The following PDZD2 variants were observed in gnomAD, a reference collection of about 807,000 sequenced individuals.
PDZD2 encodes the protein PDZ domain containing 2, also known as PDZ domain-containing protein 2.
A neutral mutation model predicts 220.7 loss-of-function variants in PDZD2; 90 were observed. That is an observed-to-expected ratio of 0.41 (90% CI 0.34 to 0.49). The LOEUF is 0.49. Among genes scored for constraint, PDZD2 ranks in the 20% least tolerant of loss-of-function variants. PDZD2 has a pLI of 0.28. For missense variants in PDZD2, 3,174 were observed against 3,608.5 expected (o/e 0.88, Z 3.08); for synonymous variants, 1,375 against 1,450.5 (o/e 0.95, Z 1.18).
rs1266262300 is a variant in PDZD2 at position 32,087,298 on chromosome 5, C to A, written c.3850C>A (p.Leu1284Ile). Reference protein sequence around the residue: ...TKCKARSPVRLPHEGSPSPGE... With the variant: ...TKCKARSPVRIPHEGSPSPGE... The stretch of plus-strand genomic sequence containing the variant: ...GTGCAAGGCCAGGTCTCCAGTCAGG[C>A]TCCCCCATGAGGGCAGCCCCTCCCC... Residue 1284 changes from leucine to isoleucine, a missense_variant, in exon 20 of 25, where the codon CTC (leucine) becomes ATC (isoleucine). Around this residue, in one of 4 missense-constraint regions of PDZD2, gnomAD observed 1,861 missense variants for 2,001.0 expected, o/e 0.93. Coordinates refer to ENST00000438447, the MANE Select transcript of PDZD2 (RefSeq NM_178140.4). This position sits in a 1 kb window ranked among gnomAD's most constrained non-coding sequence, Gnocchi z 4.0. 6.2e-7 allele frequency: 1 copy of A among 1,613,972 alleles called. No homozygotes were observed. The highest frequency in any genetic ancestry group is 1.3e-5 in the African/African-American group (1 of 74,936).
Position 31,799,239 on chromosome 5 carries a change from A to G in PDZD2, c.-10A>G, listed in dbSNP as rs370773045. 6.4e-7 allele frequency: 1 copy of G among 1,560,938 alleles called. No homozygotes were observed. The highest frequency in any genetic ancestry group is 8.7e-7 in the Non-Finnish European group (1 of 1,144,226). On this transcript the variant is annotated 5_prime_UTR_variant, in exon 2 of 25. Coordinates refer to ENST00000438447, the MANE Select transcript of PDZD2 (RefSeq NM_178140.4). The stretch of plus-strand genomic sequence containing the variant: ...ACCTCTGATGATGCTGGTGTCTGGG[A>G]GTGAGCACCATGCCCATCACCCAGG...
intron 2 of PDZD2, among the ~76,000 whole-genome samples, chr5:31,868,646 C>T (rs1738454269): frequency 6.6e-6 from 1 of 152,120 alleles, no homozygotes. Context: ...AAACTTAACT[C>T]CTGGGCCCCT....
At position 31,798,928 on chromosome 5, in the gene PDZD2, G is replaced by C. The variant is rs1040736827; in HGVS notation, c.-321G>C. On this transcript the variant is annotated 5_prime_UTR_variant, in exon 2 of 25. Coordinates refer to ENST00000438447, the MANE Select transcript of PDZD2 (RefSeq NM_178140.4). ...AGGGAAGGACACACGGCCACTGCTGGAGGGATCCTCCATTCCTGTGTCATT... is the reference window on the plus strand; with the variant it reads ...AGGGAAGGACACACGGCCACTGCTGCAGGGATCCTCCATTCCTGTGTCATT... 3 of 370,012 alleles carry C rather than the reference G, an allele frequency of 8.1e-6. No homozygotes were observed. The highest frequency in any genetic ancestry group is 4.1e-5 in the Admixed American group (1 of 24,450). The allele number at this position is 370,012 out of a possible 1,614,324, so 22.9% of individuals were successfully genotyped here.
chr5:31,928,605 A>G (rs1053020628), intron 2 of PDZD2, among the ~76,000 whole-genome samples: 19 of 151,958 alleles, frequency 1.3e-4, no homozygotes, highest in Admixed American at 8.5e-4. Context: ...CCTCCTGAGT[A>G]GCTGGGATTA....
At chr5:31,784,865 C>T (rs1580750435) in intron 1 of PDZD2, among the ~76,000 whole-genome samples, 2 of 152,180 alleles carry the variant, frequency 1.3e-5, no homozygotes, top group East Asian at 1.9e-4. Context: ...CGAGATTGCA[C>T]CACTGCACTC....
At chr5:31,977,013 G>A (rs1407848324) in intron 2 of PDZD2, among the ~76,000 whole-genome samples, 1 of 149,910 alleles carries the variant, frequency 6.7e-6, no homozygotes, top group Non-Finnish European at 1.5e-5. Context: ...AACGCGCCTG[G>A]CCAGTTTTGT....
chr5:31,647,906 C>T (rs952791346), intron 1 of PDZD2, among the ~76,000 whole-genome samples: 2 of 152,204 alleles, frequency 1.3e-5, no homozygotes, highest in Admixed American at 6.5e-5. Flanking sequence ...AATTTACACA[C>T]AGCAGCCTGG....
chr5:32,040,969 G>A (rs552836291), intron 7 of PDZD2, among the ~76,000 whole-genome samples: 2,590 of 141,464 alleles, frequency 0.018, 133 homozygotes, highest in African/African-American at 0.065. Context: ...GCCTCTGCCT[G>A]GCCACCCCGT....
chr5:31,719,468 T>C (rs1400684561), intron 1 of PDZD2, among the ~76,000 whole-genome samples: 1 of 152,114 alleles, frequency 6.6e-6, no homozygotes, highest in African/African-American at 2.4e-5. Context: ...GGTGCCAGAG[T>C]TTTAAAGTTT....
intron 19 of PDZD2, among the ~76,000 whole-genome samples, chr5:32,084,948 C>CTTTT (rs745430355): frequency 4.2e-5 from 4 of 94,474 alleles, no homozygotes; most frequent in East Asian, 7.3e-4. Flanking sequence ...ATTCTGTTGC[C>CTTTT]TTTTTTTTTT....
chr5:31,758,481 T>G (rs537518918), intron 1 of PDZD2, among the ~76,000 whole-genome samples: 2 of 152,188 alleles, frequency 1.3e-5, no homozygotes, highest in African/African-American at 4.8e-5. Flanking sequence ...AGACAGCACA[T>G]GTGGTGTGGG....
chr5:31,657,822 G>A (rs1175769772), intron 1 of PDZD2, among the ~76,000 whole-genome samples: 1 of 152,148 alleles, frequency 6.6e-6, no homozygotes, highest in Non-Finnish European at 1.5e-5. Context: ...TGACTATTGT[G>A]TGCTGCTCCC....
At chr5:31,811,065 G>A (rs1755082929) in intron 2 of PDZD2, among the ~76,000 whole-genome samples, 1 of 152,160 alleles carries the variant, frequency 6.6e-6, no homozygotes, top group African/African-American at 2.4e-5. Flanking sequence ...TTGGCTCAAT[G>A]CAACCTCCGC....
At chr5:31,962,030 TC>T (rs1185077177) in intron 2 of PDZD2, among the ~76,000 whole-genome samples, 4 of 152,250 alleles carry the variant, frequency 2.6e-5, no homozygotes, top group Non-Finnish European at 5.9e-5. Flanking sequence ...AGACAGGGTA[TC>T]AATAGTCTCT....
intron 2 of PDZD2, among the ~76,000 whole-genome samples, chr5:31,831,911 CAAAAAAAAAAA>C (rs56394577): frequency 0.016 from 1,044 of 63,774 alleles, 15 homozygotes; most frequent in South Asian, 0.049. Flanking sequence ...GAGACTGTTT[CAAAAAAAAAAA>C]AAAAAAAAAA....
Position 32,057,912 on chromosome 5 carries a change from G to T in PDZD2, c.2009G>T (p.Arg670Leu). 3.7e-6 allele frequency: 6 copies of T among 1,613,102 alleles called. No individual in the cohort carries two copies. The highest frequency in any genetic ancestry group is 5.1e-6 in the Non-Finnish European group (6 of 1,179,578). ...IRSGLFVLTV[R>L]TKLVSPSLTP... Reference sequence around the variant, plus strand: ...AGTGGATTATTTGTTTTAACGGTACGCACAAAGTTGGTGAGCCCCAGCCTC... The same window carrying T: ...AGTGGATTATTTGTTTTAACGGTACTCACAAAGTTGGTGAGCCCCAGCCTC... Residue 670 changes from arginine to leucine, a missense_variant, in exon 12 of 25, where the codon CGC (arginine) becomes CTC (leucine). This residue lies in a region of PDZD2 where 1,861 missense variants were observed against 2,001.0 expected (regional missense o/e 0.93). Coordinates refer to ENST00000438447, the MANE Select transcript of PDZD2 (RefSeq NM_178140.4).
chr5:31,998,143 C>G (rs1252403690), intron 4 of PDZD2, among the ~76,000 whole-genome samples: 2 of 152,062 alleles, frequency 1.3e-5, no homozygotes, highest in African/African-American at 4.8e-5. Flanking sequence ...ATTAGTAAGC[C>G]CAGGACACTG....
intron 2 of PDZD2, among the ~76,000 whole-genome samples, chr5:31,976,773 C>T (rs1189314027): frequency 3.0e-5 from 4 of 134,422 alleles, no homozygotes; most frequent in Admixed American, 8.2e-5. Flanking sequence ...GCTGGAGTGC[C>T]CTGGTGCCAT....
chr5:32,023,968 C>G (rs1174630876), intron 6 of PDZD2, among the ~76,000 whole-genome samples: 7 of 152,128 alleles, frequency 4.6e-5, no homozygotes, highest in African/African-American at 1.7e-4. Context: ...ACCCCTTCAT[C>G]CAGTTTATCT....
Sources: allele counts gnomAD v4.1 joint callset (sites outside exome capture counted in the v4.1 genomes callset), GRCh38; gene constraint gnomAD v4.1.1; regional missense constraint gnomAD v4.1.1; non-coding constraint Gnocchi (gnomAD v3.1); transcripts MANE v1.5; gene names NCBI Gene and HGNC (gene_info 2026-07-23, HGNC 2026-07-21).